Variants in RGS20 observed in about 807,000 individuals in gnomAD.
RGS20 encodes the protein regulator of G protein signaling 20, also known as gz-selective GTPase-activating protein.
In RGS20, 30 loss-of-function variants were observed where a neutral mutation model predicts 33.6. The ratio of observed to expected loss-of-function variants is 0.89; its 90% CI spans 0.67 to 1.21. RGS20 has a LOEUF of 1.21. Among genes scored for constraint, RGS20 ranks in the 50% most tolerant of loss-of-function variants. The pLI, the probability that RGS20 is intolerant of heterozygous loss-of-function variation, is 0.00. For synonymous variants in RGS20, 208 were observed against 197.9 expected (o/e 1.05, Z -0.43); for missense variants, 472 against 502.4 (o/e 0.94, Z 0.58).
At chr8:53,881,009 G>A (rs764278493) in intron 2 of RGS20, 10 of 1,595,458 alleles carry the variant, frequency 6.3e-6, no homozygotes, top group Admixed American at 1.7e-5. Context: ...AGGCACCCGC[G>A]GGACGCATGC....
At position 53,879,256 on chromosome 8, in the gene RGS20, A is replaced by C. The variant is rs371415842; in HGVS notation, c.166-2A>C. 2.5e-6 allele frequency: 4 copies of C among 1,612,718 alleles called. No individual in the cohort carries two copies. Among genetic ancestry groups the C allele is most frequent in the African/African-American group, 2.7e-5 (2 of 74,870 alleles). ...GGTTTTGTTTCTCTCTCCCCACCCC[A>C]GTCCTTCCCGCCTGCACAGCTCCCA... On this transcript the variant is annotated splice_acceptor_variant, in intron 1 of 5. Transcript: ENST00000297313. LOFTEE classifies it high-confidence loss of function.
chr8:53,936,472 C>T lies in RGS20; in HGVS notation c.511-3104C>T, dbSNP rs894268053. ...CACCAAGAACAGACAAAAAGAGAGC[C>T]AAATCATGAGTGAACTCCGATTCAC... On this transcript the variant is annotated intron_variant, in intron 2 of 5. Coordinates refer to ENST00000297313, the MANE Select transcript of RGS20 (RefSeq NM_170587.4). 2.0e-5 allele frequency among the ~76,000 whole-genome samples: 3 copies of T among 152,048 alleles called. 1 individual carries two copies. The South Asian group carries it at 6.2e-4, about 32-fold the overall frequency.
At chr8:53,934,354 A>G (rs1292725643) in intron 2 of RGS20, among the ~76,000 whole-genome samples, 1 of 152,244 alleles carries the variant, frequency 6.6e-6, no homozygotes, top group Non-Finnish European at 1.5e-5. Context: ...TGCTGTATTT[A>G]GGAGACCCAT....
In RGS20 at chr8:53,939,681, A is replaced by C. The variant is rs751189824; in HGVS notation, c.616A>C (p.Asn206His). 5 of 1,573,656 alleles carry C rather than the reference A, an allele frequency of 3.2e-6. No individual in the cohort carries two copies. In the Admixed American group the frequency reaches 9.5e-5, roughly 30 times the overall value. The change falls in exon 3 of 6, where the codon AAC becomes CAC. Residue 206 changes from asparagine (N) to histidine (H), a missense_variant. Asn to His is a moderately conservative substitution (Grantham distance 68). Around this residue, in one of 3 missense-constraint regions of RGS20, gnomAD observed 319 missense variants for 283.4 expected, o/e 1.13. Coordinates refer to ENST00000297313, the MANE Select transcript of RGS20 (RefSeq NM_170587.4). Reference sequence around the variant, plus strand: ...GCCCGGAGCGGGGAGTCGCGGGTCCAACGCATGCTGCTTCTGCTGGTGCTG... The same window carrying C: ...GCCCGGAGCGGGGAGTCGCGGGTCCCACGCATGCTGCTTCTGCTGGTGCTG...
At chr8:53,872,548 G>C (rs1377430342) in intron 1 of RGS20, among the ~76,000 whole-genome samples, 1 of 152,170 alleles carries the variant, frequency 6.6e-6, no homozygotes, top group Non-Finnish European at 1.5e-5. Context: ...AATGTTTGTT[G>C]AAAGAATGAG....
rs1180017015 is a variant in RGS20 at position 53,879,538 on chromosome 8, C to T, written c.446C>T (p.Pro149Leu). The change falls in exon 2 of 6, where the codon CCC becomes CTC. Residue 149 changes from proline (P) to leucine (L), a missense_variant. Around this residue, in one of 3 missense-constraint regions of RGS20, gnomAD observed 319 missense variants for 283.4 expected, o/e 1.13. Coordinates refer to ENST00000297313, the MANE Select transcript of RGS20 (RefSeq NM_170587.4). ...CCCTCGGGGGGTCGTCCGCTGAGGC[C>T]CCCCCATCCGGTAGCCAAGCCCAGG... 7 of 1,542,212 alleles carry T rather than the reference C, an allele frequency of 4.5e-6. No homozygotes were observed. Among genetic ancestry groups the T allele is most frequent in the Non-Finnish European group, 6.1e-6 (7 of 1,144,816 alleles).
intron 2 of RGS20, among the ~76,000 whole-genome samples, chr8:53,905,734 G>A (rs767453850): frequency 2.6e-5 from 4 of 152,190 alleles, no homozygotes; most frequent in Non-Finnish European, 4.4e-5. Context: ...CCCAGGGAGA[G>A]TTTAGCATGG....
intron 1 of RGS20, among the ~76,000 whole-genome samples, chr8:53,871,774 T>C (rs571570988): frequency 1.6e-4 from 25 of 152,304 alleles, no homozygotes; most frequent in Middle Eastern, 6.8e-3. Flanking sequence ...AGGGATACCC[T>C]TTTCCACCTA....
At chr8:53,950,412 G>A (rs1814676796) in intron 4 of RGS20, among the ~76,000 whole-genome samples, 1 of 152,108 alleles carries the variant, frequency 6.6e-6, no homozygotes. Flanking sequence ...CGGAATATTT[G>A]CATTATACTT....
At chr8:53,926,458 T>G (rs1218237564) in intron 2 of RGS20, among the ~76,000 whole-genome samples, 2 of 151,064 alleles carry the variant, frequency 1.3e-5, no homozygotes, top group African/African-American at 5.0e-5. Flanking sequence ...TCTTAGGCCT[T>G]AAGAGATAAG....
At chr8:53,866,182 G>C (rs1368508915) in intron 1 of RGS20, among the ~76,000 whole-genome samples, 1 of 152,068 alleles carries the variant, frequency 6.6e-6, no homozygotes, top group African/African-American at 2.4e-5. Flanking sequence ...GAATGAACAA[G>C]GAAATTTTAG....
At chr8:53,956,832 A>G (rs1814879265) in intron 5 of RGS20, among the ~76,000 whole-genome samples, 1 of 152,062 alleles carries the variant, frequency 6.6e-6, no homozygotes, top group Non-Finnish European at 1.5e-5. Context: ...AAGGTTTTTC[A>G]TCAATCTTTT....
At chr8:53,895,099 A>G (rs1812818388) in intron 2 of RGS20, among the ~76,000 whole-genome samples, 1 of 152,104 alleles carries the variant, frequency 6.6e-6, no homozygotes, top group Non-Finnish European at 1.5e-5. Flanking sequence ...GCCTAGGAGA[A>G]GTAGCGGGGA....
chr8:53,889,412 CTTTTTTTTTTTTTTTTTTTTT>C (rs34316630), intron 2 of RGS20, among the ~76,000 whole-genome samples: 16 of 41,834 alleles, frequency 3.8e-4, no homozygotes, highest in South Asian at 9.6e-4. Flanking sequence ...CTCTCTCTCT[CTTTTTTTTTTTTTTTTTTTTT>C]TTTTTTTTTT....
intron 2 of RGS20, among the ~76,000 whole-genome samples, chr8:53,939,363 T>C (rs1052060412): frequency 3.3e-5 from 5 of 152,236 alleles, no homozygotes; most frequent in Non-Finnish European, 5.9e-5. Context: ...CCCTGGAATG[T>C]ATCTCAATGC....
chr8:53,934,532 A>G (rs1378763914), intron 2 of RGS20, among the ~76,000 whole-genome samples: 2 of 152,230 alleles, frequency 1.3e-5, no homozygotes, highest in Non-Finnish European at 2.9e-5. Context: ...CATAATGGTA[A>G]AGGGATCAAC....
chr8:53,898,227 T>A (rs1026893763), intron 2 of RGS20, among the ~76,000 whole-genome samples: 1 of 152,112 alleles, frequency 6.6e-6, no homozygotes, highest in African/African-American at 2.4e-5. Context: ...CACTGTTAAT[T>A]TGGAGAATGT....
intron 2 of RGS20, among the ~76,000 whole-genome samples, chr8:53,905,793 G>T (rs1020306561): frequency 6.6e-6 from 1 of 152,144 alleles, no homozygotes; most frequent in African/African-American, 2.4e-5. Flanking sequence ...TCTTGAATGA[G>T]AATCTAGCGA....
chr8:53,862,919 G>C (rs112772763), intron 1 of RGS20, among the ~76,000 whole-genome samples: 2 of 152,354 alleles, frequency 1.3e-5, no homozygotes, highest in African/African-American at 4.8e-5. Flanking sequence ...ATCACAAGGG[G>C]AGGGGGAAAT....
Sources: gnomAD v4.1 joint callset for allele counts (sites outside exome capture counted in the v4.1 genomes callset) on GRCh38, gnomAD v4.1.1 for gene constraint, gnomAD v4.1.1 regional missense constraint, MANE v1.5 for transcripts, NCBI Gene and HGNC (gene_info 2026-07-23, HGNC 2026-07-21) for gene names.